Variants in MSH6 observed in about 807,000 individuals in gnomAD.
MSH6 encodes the protein mutS homolog 6.
MSH6 carries 85 observed loss-of-function variants against 119.1 expected under a neutral mutation model. The observed-to-expected ratio is 0.71, with a 90% CI of 0.60 to 0.85. MSH6 has a LOEUF of 0.85. Ranked by LOEUF, MSH6 falls within the 40% of genes least tolerant of loss-of-function variation. The pLI, the probability that MSH6 is intolerant of heterozygous loss-of-function variation, is 0.00. For missense variants in MSH6, 2,163 were observed against 1,655.3 expected, an observed-to-expected ratio of 1.31 and a Z score of -5.32; for synonymous variants, 830 against 586.9, an observed-to-expected ratio of 1.41 and a Z score of -5.99.
At chr2:47,801,186 T>TTTGATAAGTAGTGCTGTTTGCCAG in intron 4 of MSH6, 31 bp downstream of exon 4, 1 of 1,603,952 alleles carries the variant, frequency 6.2e-7, no homozygotes, top group Non-Finnish European at 8.5e-7. Flanking sequence ...GTTCTCAGGC[T>TTTGATAAGTAGTGCTGTTTGCCAG]TTGATAAGTA....
At chr2:47,787,911 T>C (rs561124826) in intron 1 of MSH6, among the ~76,000 whole-genome samples, 1 of 152,234 alleles carries the variant, frequency 6.6e-6, no homozygotes, top group South Asian at 2.1e-4. Context: ...CCTGGCCTAT[T>C]TTGGCATTCT....
intron 4 of MSH6, among the ~76,000 whole-genome samples, chr2:47,802,801 C>G (rs1669680827): frequency 6.6e-6 from 1 of 152,180 alleles, no homozygotes; most frequent in African/African-American, 2.4e-5. Context: ...TCTTCCTCAG[C>G]ACAGGTGTTC....
chr2:47,797,831 T>C, intron 3 of MSH6: 1 of 227,828 alleles, frequency 4.4e-6, no homozygotes, highest in Admixed American at 4.1e-5. Context: ...TCACTTTGCC[T>C]GTCTCTTCTT....
At chr2:47,806,159 T>G in intron 7 of MSH6, 45 bp from the exon 8 acceptor site, 1 of 1,502,042 alleles carries the variant, frequency 6.7e-7, no homozygotes. Flanking sequence ...CTTTTTTGTT[T>G]TAATTCCTTT....
chr2:47,805,623 A>G lies in MSH6; in HGVS notation c.3562A>G (p.Ser1188Gly). 1.2e-6 allele frequency: 2 copies of G among 1,609,746 alleles called. No individual in the cohort carries two copies. Among genetic ancestry groups the G allele is most frequent in the Non-Finnish European group, 1.7e-6 (2 of 1,176,338 alleles). Residue 1188 changes from serine to glycine, a missense_variant, in exon 7 of 10, where the codon AGT (serine) becomes GGT (glycine). Physicochemically the swap from Ser to Gly is moderately conservative, Grantham distance 56. Transcript: ENST00000234420. ...GASDRIMSGESTFFVELSETA... is the reference protein window; with the variant it reads ...GASDRIMSGEGTFFVELSETA... The stretch of plus-strand genomic sequence containing the variant: ...GTGATTTTTTTTTTTTTAAGGTGAA[A>G]GTACATTTTTTGTTGAATTAAGTGA...
intron 1 of MSH6, chr2:47,785,002 T>C (rs1032726763): frequency 2.0e-5 from 3 of 152,064 alleles, no homozygotes; most frequent in Admixed American, 2.0e-4. Flanking sequence ...TTTTTGTATT[T>C]TTAGTAGAGA....
chr2:47,791,542 A>G (rs1031614545), intron 2 of MSH6, among the ~76,000 whole-genome samples: 1 of 152,066 alleles, frequency 6.6e-6, no homozygotes, highest in Non-Finnish European at 1.5e-5. Context: ...TGAGTTTCAC[A>G]CCAAACTCCT....
rs2104509747 is a variant in MSH6, at chr2:47,805,015, A to G, written c.3544A>G (p.Arg1182Gly). 1 of 1,612,010 alleles carries G rather than the reference A, an allele frequency of 6.2e-7. No homozygotes were observed. Among genetic ancestry groups the G allele is most frequent in the Non-Finnish European group, 8.5e-7 (1 of 1,178,072 alleles). Reference sequence around the variant, plus strand: ...GTTTACTAGACTTGGTGCCTCAGACAGAATAATGTCAGGTGAGTTTTTTGT... The same window carrying G: ...GTTTACTAGACTTGGTGCCTCAGACGGAATAATGTCAGGTGAGTTTTTTGT... ...RVFTRLGASD[R>G]IMSGESTFFV... The change falls in exon 6 of 10, where the codon AGA (arginine) becomes GGA (glycine). Residue 1182 changes from arginine to glycine, a missense_variant. Arg to Gly is a moderately radical substitution (Grantham distance 125). Coordinates refer to ENST00000234420, the MANE Select transcript of MSH6 (RefSeq NM_000179.3).
rs876661067 is a variant in MSH6 at position 47,800,882 on chromosome 2, A to G, written c.2899A>G (p.Ile967Val). Residue 967 changes from isoleucine (I) to valine (V), a missense_variant, in exon 4 of 10, where the codon ATA (isoleucine) becomes GTA (valine). Ile to Val is a conservative substitution (Grantham distance 29, BLOSUM62 3). Transcript: ENST00000234420. ...KQRNRIGCRT[I>V]VYWGIGRNRY... is the part of the protein sequence containing the mutation. ...GCGCAACAGAATTGGCTGTAGGACC[A>G]TAGTCTATTGGGGGATTGGTAGGAA... 2.5e-6 allele frequency: 4 copies of G among 1,611,998 alleles called. No homozygotes were observed. Among genetic ancestry groups the G allele is most frequent in the Non-Finnish European group, 8.5e-7 (1 of 1,179,222 alleles).
At chr2:47,784,336 T>A in intron 1 of MSH6, 2 of 799,808 alleles carry the variant, frequency 2.5e-6, no homozygotes, top group Non-Finnish European at 3.0e-6. Flanking sequence ...TGAAATAGTG[T>A]AATTTTTATG....
chr2:47,798,692 G>A lies in MSH6; in HGVS notation c.709G>A (p.Gly237Arg), dbSNP rs1424907900. The A allele has an allele frequency of 6.2e-7, 1 of 1,614,006 alleles. No homozygotes were observed. Among genetic ancestry groups the A allele is most frequent in the East Asian group, 2.2e-5 (1 of 44,890 alleles). Residue 237 changes from glycine to arginine, a missense_variant, in exon 4 of 10, where the codon GGA becomes AGA. Transcript: ENST00000234420. ...AGAGGAAGTACAGCCTAAGACACAA[G>A]GATCTAGGCGAAGTAGCCGCCAAAT... ...SEEEVQPKTQ[G>R]SRRSSRQIKK...
rs1553413298 is a variant in MSH6, at chr2:47,799,896, T to C, written c.1913T>C (p.Leu638Pro). The C allele has an allele frequency of 6.2e-7, 1 of 1,614,150 alleles. No homozygotes were observed. The highest frequency in any genetic ancestry group is 8.5e-7 in the Non-Finnish European group (1 of 1,180,010). The change falls in exon 4 of 10, where the codon CTT (leucine) becomes CCT (proline). Residue 638 changes from leucine to proline, a missense_variant. Leu to Pro is a moderately conservative substitution (Grantham distance 98, BLOSUM62 -3). Coordinates refer to ENST00000234420, the MANE Select transcript of MSH6 (RefSeq NM_000179.3). ...WDASKTLRTL[L>P]EEEYFREKLS... Reference sequence around the variant, plus strand: ...GCATCCAAAACTTTGAGAACTCTCCTTGAGGAAGAATATTTTAGGGAAAAG... The same window carrying C: ...GCATCCAAAACTTTGAGAACTCTCCCTGAGGAAGAATATTTTAGGGAAAAG...
At chr2:47,810,028 TGAATC>T (rs1397352077), downstream of MSH6, 6 of 491,102 alleles carry the variant, frequency 1.2e-5, no homozygotes, top group African/African-American at 9.9e-5. Flanking sequence ...TCTGAGGAAT[TGAATC>T]TATCTGTATT....
rs1553331612 is a variant in MSH6 at position 47,803,589 on chromosome 2, A to C, written c.3342A>C (p.Leu1114=). 6.2e-7 allele frequency: 1 copy of C among 1,614,160 alleles called. No individual in the cohort carries two copies. The highest frequency in any genetic ancestry group is 8.5e-7 in the Non-Finnish European group (1 of 1,180,032). The part of the protein sequence containing the change: ...FGDDFIPNDI[L]IGCEEEEQEN... ...ATGATTTTATTCCTAATGACATTCT[A>C]ATAGGCTGTGAGGAAGAGGAGCAGG... is the stretch of plus-strand genomic sequence containing the variant. The change falls in exon 5 of 10, where the codon CTA becomes CTC. Residue 1114 remains leucine (L), a synonymous_variant. Coordinates refer to ENST00000234420, the MANE Select transcript of MSH6 (RefSeq NM_000179.3).
chr2:47,805,337 G>A (rs570272343), intron 6 of MSH6, among the ~76,000 whole-genome samples: 83 of 152,118 alleles, frequency 5.5e-4, no homozygotes, highest in African/African-American at 1.8e-3. Context: ...ATGCCATCAC[G>A]CCCAGCTAAT....
At chr2:47,798,075 C>G (rs1278404740) in intron 3 of MSH6, 1 of 210,926 alleles carries the variant, frequency 4.7e-6, no homozygotes, top group Non-Finnish European at 9.9e-6. Context: ...GTCTGCTACA[C>G]TTACAGCAAG....
At chr2:47,788,922 GTTT>G (rs1558650240) in intron 1 of MSH6, among the ~76,000 whole-genome samples, 16 of 40,940 alleles carry the variant, frequency 3.9e-4, no homozygotes, top group East Asian at 3.6e-3. Context: ...TTTTTTTTTT[GTTT>G]TTTTTTTTTT....
chr2:47,809,287 A>C (rs774819121), downstream of MSH6: 26 of 1,434,640 alleles, frequency 1.8e-5, no homozygotes, highest in Non-Finnish European at 2.4e-5. Context: ...AGAAAGAATA[A>C]GTAAAAATTC....
chr2:47,805,324 C>T (rs1268842516), intron 6 of MSH6, among the ~76,000 whole-genome samples: 1 of 152,020 alleles, frequency 6.6e-6, no homozygotes, highest in Non-Finnish European at 1.5e-5. Flanking sequence ...GGATTACAGG[C>T]GCATGCCATC....
Sources: gnomAD v4.1 joint callset for allele counts (sites outside exome capture counted in the v4.1 genomes callset) on GRCh38, gnomAD v4.1.1 for gene constraint, MANE v1.5 for transcripts, NCBI Gene and HGNC (gene_info 2026-07-23, HGNC 2026-07-21) for gene names.